Variants in EFCAB5 observed in about 807,000 individuals in gnomAD.
EFCAB5 encodes EF-hand calcium-binding domain-containing protein 5.
In EFCAB5, 131 loss-of-function variants were observed where a neutral mutation model predicts 167.9. That is an observed-to-expected ratio of 0.78 (90% CI 0.68 to 0.90). The LOEUF is 0.90. Ranked by LOEUF, EFCAB5 falls within the 40% of genes least tolerant of loss-of-function variation. The pLI, the probability that EFCAB5 is intolerant of heterozygous loss-of-function variation, is 0.00. For synonymous variants in EFCAB5, 574 were observed against 602.8 expected (o/e 0.95, Z 0.70); for missense variants, 1,663 against 1,745.2 (o/e 0.95, Z 0.84).
At chr17:30,007,498 T>C (rs762431427) in intron 7 of EFCAB5, among the ~76,000 whole-genome samples, 18 of 152,180 alleles carry the variant, frequency 1.2e-4, no homozygotes, top group Non-Finnish European at 2.1e-4. Flanking sequence ...AAACTATTAT[T>C]AAGAGAATAT....
At chr17:30,034,164 C>A in intron 7 of EFCAB5, 66 bp from the exon 8 acceptor site, 1 of 1,559,500 alleles carries the variant, frequency 6.4e-7, no homozygotes, top group Non-Finnish European at 8.7e-7. Context: ...TGGTTGAATC[C>A]TGGGGAAAAT....
chr17:30,073,149 G>A (rs192594162), intron 14 of EFCAB5: 43 of 698,830 alleles, frequency 6.2e-5, no homozygotes, highest in African/African-American at 4.6e-4. Flanking sequence ...TCCAACTCCC[G>A]GACTCAAGCG....
In EFCAB5 at chr17:30,096,677, A is replaced by ATATATATT. The variant is rs1193558323; in HGVS notation, c.4321+3742_4321+3743insATATATTT. Among the ~76,000 whole-genome samples the ATATATATT allele has an allele frequency of 1.8e-3, 111 of 60,124 alleles. 1 individual carries two copies. The highest frequency in any genetic ancestry group is 9.1e-3 in the African/African-American group (108 of 11,902). 39.4% of individuals were successfully genotyped at this position (60,124 alleles called of 152,430 possible). ...CATATATATATATATATATATATAT[A>ATATATATT]TTTTTTTTTTTTTTTTTTTTGAGAT... On this transcript the variant is annotated intron_variant, in intron 22 of 22. Coordinates refer to ENST00000394835, the MANE Select transcript of EFCAB5 (RefSeq NM_198529.4).
At chr17:30,032,115 G>A (rs2069495488) in intron 7 of EFCAB5, among the ~76,000 whole-genome samples, 1 of 152,090 alleles carries the variant, frequency 6.6e-6, no homozygotes, top group Admixed American at 6.6e-5. Context: ...TACTAAAGTG[G>A]AACATGATTT....
At position 29,951,519 on chromosome 17, in the gene EFCAB5, T is replaced by A. The variant is rs570050146; in HGVS notation, c.190+7870T>A. Among the ~76,000 whole-genome samples, 27 of 148,866 alleles carry A rather than the reference T, an allele frequency of 1.8e-4. No individual in the cohort carries two copies. The East Asian group carries it at 2.3e-3, about 13-fold the overall frequency. On this transcript the variant is annotated intron_variant, in intron 3 of 22. Coordinates refer to ENST00000394835, the MANE Select transcript of EFCAB5 (RefSeq NM_198529.4). ...CACCTGGCTAATTTTTTGTATTTTT[T>A]TTTTTATTTTTTTTTTTAGTAGAGA...
chr17:29,969,305 G>A lies in EFCAB5; in HGVS notation c.705G>A (p.Gln235=), dbSNP rs780209735. ...YIKDPGMSGY[Q]RLMKEVTEDL... ...AAGACCCAGGAATGTCTGGTTACCA[G>A]AGGTTGATGAAAGAAGTCACAGAAG... Residue 235 remains glutamine, a synonymous_variant, in exon 4 of 23, where the codon CAG becomes CAA. Transcript: ENST00000394835. The A allele has an allele frequency of 5.0e-6, 8 of 1,612,104 alleles. No homozygotes were observed. The East Asian group carries it at 1.8e-4, about 36-fold the overall frequency.
rs747028116 is a variant in EFCAB5 at position 29,969,276 on chromosome 17, A to G, written c.676A>G (p.Ile226Val). 1.9e-6 allele frequency: 3 copies of G among 1,613,672 alleles called. No individual in the cohort carries two copies. Among genetic ancestry groups the G allele is most frequent in the East Asian group, 4.5e-5 (2 of 44,854 alleles). ...TTTAATAAGAAACAATCCTAATTAT[A>G]TCAAAGACCCAGGAATGTCTGGTTA... Reference protein sequence around the residue: ...EYLIRNNPNYIKDPGMSGYQR... With the variant: ...EYLIRNNPNYVKDPGMSGYQR... The change falls in exon 4 of 23, where the codon ATC becomes GTC. Residue 226 changes from isoleucine (I) to valine (V), a missense_variant. Physicochemically the swap from Ile to Val is conservative, Grantham distance 29. Transcript: ENST00000394835.
At chr17:29,996,182 C>T (rs1487982243) in intron 5 of EFCAB5, 130 bp from the exon 6 acceptor site, 1 of 676,494 alleles carries the variant, frequency 1.5e-6, no homozygotes, top group Non-Finnish European at 2.5e-6. Context: ...TATTTCTGTC[C>T]TTGGGTTGGA....
At chr17:30,073,919 G>C in intron 14 of EFCAB5, 1 of 266,638 alleles carries the variant, frequency 3.8e-6, no homozygotes. Context: ...AAAAGATATA[G>C]AACAAAAAAA....
At chr17:30,082,865 G>C in intron 17 of EFCAB5, 26 bp from the exon 18 acceptor site, 2 of 1,586,606 alleles carry the variant, frequency 1.3e-6, no homozygotes, top group South Asian at 2.3e-5. Context: ...AAAAGAATAG[G>C]CTATTTGAAT....
At chr17:30,092,802 G>C in intron 21 of EFCAB5, 38 bp from the exon 22 acceptor site, 1 of 1,473,828 alleles carries the variant, frequency 6.8e-7, no homozygotes, top group Non-Finnish European at 9.4e-7. Context: ...TCTGCTTCCT[G>C]GTGATCCCAT....
In EFCAB5 at chr17:30,059,614, G is replaced by A; in HGVS notation, c.2650G>A (p.Asp884Asn). 6.2e-7 allele frequency: 1 copy of A among 1,612,070 alleles called. No individual in the cohort carries two copies. The highest frequency in any genetic ancestry group is 8.5e-7 in the Non-Finnish European group (1 of 1,178,528). Reference protein sequence around the residue: ...LEAIFQKWDSDGSGFLDLKEV... With the variant: ...LEAIFQKWDSNGSGFLDLKEV... ...AGCCATCTTTCAGAAGTGGGACAGT[G>A]ATGGCTCAGGCTTCCTGGATCTGAA... Residue 884 changes from aspartate (D) to asparagine (N), a missense_variant, in exon 14 of 23, where the codon GAT becomes AAT. By Grantham distance (23) the Asp-to-Asn change is conservative (BLOSUM62 1). Coordinates refer to ENST00000394835, the MANE Select transcript of EFCAB5 (RefSeq NM_198529.4).
chr17:29,958,716 G>C (rs1645692754), intron 3 of EFCAB5, among the ~76,000 whole-genome samples: 1 of 152,108 alleles, frequency 6.6e-6, no homozygotes, highest in Admixed American at 6.5e-5. Flanking sequence ...TGAAGAGTTA[G>C]GTACTTACTG....
chr17:30,004,206 G>A (rs2068726833), intron 7 of EFCAB5, among the ~76,000 whole-genome samples: 1 of 152,216 alleles, frequency 6.6e-6, no homozygotes, highest in African/African-American at 2.4e-5. Context: ...GCCCAGGCAA[G>A]ACCCTGTGCA....
Position 29,965,574 on chromosome 17 carries a change from G to A in EFCAB5, c.191-3217G>A, listed in dbSNP as rs150903942. ...ACTAATTTTAATTTTCATATATGGT[G>A]TAAGGTAGGCATCCAGATTCATCCC... On this transcript the variant is annotated intron_variant, in intron 3 of 22. Coordinates refer to ENST00000394835, the MANE Select transcript of EFCAB5 (RefSeq NM_198529.4). 3.5e-4 allele frequency among the ~76,000 whole-genome samples: 53 copies of A among 152,278 alleles called. No individual in the cohort carries two copies. The East Asian group carries it at 9.6e-3, about 28-fold the overall frequency.
intron 13 of EFCAB5, 113 bp from the exon 14 acceptor site, chr17:30,059,432 A>T: frequency 8.3e-7 from 1 of 1,203,160 alleles, no homozygotes; most frequent in Non-Finnish European, 1.1e-6. Context: ...CTTAGCCTCA[A>T]AGTAAACCTG....
In EFCAB5 at chr17:29,969,294, T is replaced by C; in HGVS notation, c.694T>C (p.Ser232Pro). 2 of 1,613,144 alleles carry C rather than the reference T, an allele frequency of 1.2e-6. No homozygotes were observed. The highest frequency in any genetic ancestry group is 8.5e-7 in the Non-Finnish European group (1 of 1,179,626). ...NPNYIKDPGM[S>P]GYQRLMKEVT... ...TAATTATATCAAAGACCCAGGAATG[T>C]CTGGTTACCAGAGGTTGATGAAAGA... is the stretch of plus-strand genomic sequence containing the variant. The change falls in exon 4 of 23, where the codon TCT becomes CCT. Residue 232 changes from serine to proline, a missense_variant. Coordinates refer to ENST00000394835, the MANE Select transcript of EFCAB5 (RefSeq NM_198529.4).
Position 29,993,317 on chromosome 17 carries a change from C to A in EFCAB5, c.920C>A (p.Ser307Ter), listed in dbSNP as rs199836040. Reference protein sequence around the residue: ...ILDPKGMIPKSVIQNVLQEFF... With the variant: ...ILDPKGMIPK The stretch of plus-strand genomic sequence containing the variant: ...GACCCTAAAGGAATGATTCCTAAGT[C>A]AGTGGTAAGAAAATTGGGGGTATAT... Residue 307 changes from serine (S) to a stop codon, truncating the protein, a stop_gained, in exon 5 of 23, where the codon TCA becomes TAA. Transcript: ENST00000394835. LOFTEE classifies it high-confidence loss of function. The A allele has an allele frequency of 9.0e-4, 1,455 of 1,609,290 alleles. 1 individual carries two copies. The highest frequency in any genetic ancestry group is 1.2e-3 in the Non-Finnish European group (1,358 of 1,177,636).
chr17:30,039,473 G>A (rs766480287), intron 8 of EFCAB5, among the ~76,000 whole-genome samples: 15 of 152,250 alleles, frequency 9.9e-5, no homozygotes, highest in Non-Finnish European at 2.2e-4. Context: ...ACCTTGTGGA[G>A]GTTTGCAAAG....
Sources: allele counts gnomAD v4.1 joint callset (sites outside exome capture counted in the v4.1 genomes callset), GRCh38; gene constraint gnomAD v4.1.1; transcripts MANE v1.5; gene names NCBI Gene and HGNC (gene_info 2026-07-23, HGNC 2026-07-21).